ZNF367: variants seen among roughly 807,000 people sequenced by gnomAD.
ZNF367 encodes zinc finger protein 367.
In ZNF367, 11 loss-of-function variants were observed where a neutral mutation model predicts 31.8. The observed-to-expected ratio is 0.35, with a 90% CI of 0.22 to 0.57. The LOEUF (loss-of-function observed/expected upper bound fraction) is 0.57, where lower values mean the gene tolerates loss of function less well. Ranked by LOEUF, ZNF367 falls within the 20% of genes least tolerant of loss-of-function variation. The pLI is 0.85. For missense variants in ZNF367, 353 were observed against 484.1 expected (o/e 0.73, Z 2.54); for synonymous variants, 199 against 202.4 (o/e 0.98, Z 0.14).
chr9:96,398,425 A>G (rs1831561348), intron 1 of ZNF367, 111 bp from the exon 2 acceptor site: 1 of 941,978 alleles, frequency 1.1e-6, no homozygotes, highest in South Asian at 2.0e-5. Flanking sequence ...GCGCAGCGGC[A>G]CACACTTATA....
At chr9:96,397,088 T>G (rs1831541554) in intron 2 of ZNF367, among the ~76,000 whole-genome samples, 1 of 152,248 alleles carries the variant, frequency 6.6e-6, no homozygotes, top group Non-Finnish European at 1.5e-5. Context: ...ATGTTTTATA[T>G]TACTGCCCAT....
At position 96,398,106 on chromosome 9, in the gene ZNF367, A is replaced by G. The variant is rs1452103188; in HGVS notation, c.571+58T>C. 4.3e-6 allele frequency: 4 copies of G among 923,232 alleles called. No individual in the cohort carries two copies. In the South Asian group the frequency reaches 8.8e-5, roughly 20 times the overall value. 57.2% of individuals were successfully genotyped at this position (923,232 alleles called of 1,614,324 possible). The stretch of plus-strand genomic sequence containing the variant: ...CTATCTCAAAAAAAAAAAAAAAAAA[A>G]AAAAAAAAAAAAAAAAGTGTTACTT... On this transcript the variant is annotated intron_variant, in intron 2 of 4. Coordinates refer to ENST00000375256, the MANE Select transcript of ZNF367 (RefSeq NM_153695.4).
intron 2 of ZNF367, among the ~76,000 whole-genome samples, chr9:96,396,655 A>G (rs938637714): frequency 2.0e-5 from 3 of 151,858 alleles, no homozygotes; most frequent in African/African-American, 7.3e-5. Context: ...AAGTAAAGAG[A>G]AAGAGGTGAA....
At chr9:96,406,812 A>G (rs946532080) in intron 1 of ZNF367, among the ~76,000 whole-genome samples, 5 of 151,106 alleles carry the variant, frequency 3.3e-5, no homozygotes, top group Non-Finnish European at 7.4e-5. Flanking sequence ...CATCCTGGCT[A>G]ACACAGTGAA....
chr9:96,392,553 T>TA lies in ZNF367; in HGVS notation c.692-18dup, dbSNP rs1564139875. 1.3e-6 allele frequency: 2 copies of TA among 1,586,764 alleles called. No homozygotes were observed. Among genetic ancestry groups the TA allele is most frequent in the East Asian group, 4.5e-5 (2 of 44,154 alleles). ...TCAGGCAGCCTTCAAAACACAAGGT[T>TA]AACACCTGTCAGGATCTGGACATCC... On this transcript the variant is annotated splice_polypyrimidine_tract_variant and intron_variant, in intron 3 of 4. Transcript: ENST00000375256.
intron 4 of ZNF367, 186 bp downstream of exon 4, chr9:96,392,212 C>G (rs1277796168): frequency 6.4e-6 from 5 of 776,308 alleles, no homozygotes; most frequent in Non-Finnish European, 1.0e-5. Flanking sequence ...TTTTCTATCA[C>G]ACACAGATCC....
At chr9:96,401,747 G>C (rs1332620404) in intron 1 of ZNF367, among the ~76,000 whole-genome samples, 1 of 151,668 alleles carries the variant, frequency 6.6e-6, no homozygotes, top group Non-Finnish European at 1.5e-5. Context: ...AGAATCGCTT[G>C]AACCTGGGAG....
At chr9:96,390,204 A>AC (rs1237136218) in intron 4 of ZNF367, among the ~76,000 whole-genome samples, 2 of 151,966 alleles carry the variant, frequency 1.3e-5, no homozygotes, top group Non-Finnish European at 2.9e-5. Context: ...ACCCAGCCCC[A>AC]ACAAAGCTGT....
chr9:96,397,479 A>G (rs1268671244), intron 2 of ZNF367, among the ~76,000 whole-genome samples: 1 of 152,346 alleles, frequency 6.6e-6, no homozygotes, highest in East Asian at 1.9e-4. Flanking sequence ...TAAACATTCT[A>G]TTAAAAACTT....
Position 96,418,169 on chromosome 9 carries a change from C to T in ZNF367, c.-137G>A, listed in dbSNP as rs956721992. ...GACTGACGTTTCCCGGAATCCTGCG[C>T]AGCAGCCACCTAACTAGTTGAGCAG... On this transcript the variant is annotated 5_prime_UTR_variant, in exon 1 of 5. Coordinates refer to ENST00000375256, the MANE Select transcript of ZNF367 (RefSeq NM_153695.4). 2 of 1,223,168 alleles carry T rather than the reference C, an allele frequency of 1.6e-6. No individual in the cohort carries two copies. Among genetic ancestry groups the T allele is most frequent in the Admixed American group, 8.4e-5 (2 of 23,674 alleles). 75.8% of individuals were successfully genotyped at this position (1,223,168 alleles called of 1,614,324 possible).
rs1276707700 is a variant in ZNF367, at chr9:96,415,478, CATTTTTTTTTTTTTT to C, written c.420+2120_420+2134del. On this transcript the variant is annotated intron_variant, in intron 1 of 4. Coordinates refer to ENST00000375256, the MANE Select transcript of ZNF367 (RefSeq NM_153695.4). ...TCAACGCTTCTATCGTTAGTTTCTT[CATTTTTTTTTTTTTT>C]TTTTTTTTTTTTTTTTTTTTTTGAG... Among the ~76,000 whole-genome samples, 47 of 65,576 alleles carry C rather than the reference CATTTTTTTTTTTTTT, an allele frequency of 7.2e-4. 1 individual carries two copies. The highest frequency in any genetic ancestry group is 2.6e-3 in the African/African-American group (46 of 17,770). The allele number at this position is 65,576 out of a possible 152,430, so 43.0% of individuals were successfully genotyped here.
chr9:96,406,523 T>G (rs1831673224), intron 1 of ZNF367, among the ~76,000 whole-genome samples: 1 of 152,352 alleles, frequency 6.6e-6, no homozygotes, highest in Non-Finnish European at 1.5e-5. Flanking sequence ...CACTTACTAC[T>G]TTTATTCTGA....
intron 1 of ZNF367, among the ~76,000 whole-genome samples, chr9:96,412,202 G>A (rs1831759634): frequency 6.6e-6 from 1 of 152,166 alleles, no homozygotes; most frequent in African/African-American, 2.4e-5. Flanking sequence ...ACACTCAGCA[G>A]CCAAGTGCAC....
At chr9:96,391,860 C>G (rs1023446328) in intron 4 of ZNF367, among the ~76,000 whole-genome samples, 7 of 152,098 alleles carry the variant, frequency 4.6e-5, no homozygotes, top group African/African-American at 1.7e-4. Context: ...CTCACTGCAA[C>G]CTCCGTCTCC....
chr9:96,407,862 T>C (rs754272925), intron 1 of ZNF367: 1 of 592,184 alleles, frequency 1.7e-6, no homozygotes, highest in Non-Finnish European at 2.8e-6. Context: ...CGCCTTAGCC[T>C]CCCAAAGTGC....
At chr9:96,407,233 G>C in intron 1 of ZNF367, 2 of 929,038 alleles carry the variant, frequency 2.2e-6, no homozygotes. Flanking sequence ...CGAAAATTGA[G>C]AGCATTTTCG....
In ZNF367 at chr9:96,417,701, G is replaced by A. The variant is rs1442770689; in HGVS notation, c.332C>T (p.Ala111Val). 4.3e-6 allele frequency: 5 copies of A among 1,168,212 alleles called. No individual in the cohort carries two copies. Among genetic ancestry groups the A allele is most frequent in the Admixed American group, 4.4e-5 (1 of 22,544 alleles). The allele number at this position is 1,168,212 out of a possible 1,614,324, so 72.4% of individuals were successfully genotyped here. ...GGAGGCCGAGGCGGCGGGCGGGGGC[G>A]CGCCCCGGCCACGAAGCCCCGAGTG... ...AEHSGLRGRG[A>V]PPPAASASAA... The change falls in exon 1 of 5, where the codon GCG becomes GTG. Residue 111 changes from alanine to valine, a missense_variant. By Grantham distance (64) the Ala-to-Val change is moderately conservative. Coordinates refer to ENST00000375256, the MANE Select transcript of ZNF367 (RefSeq NM_153695.4). This position sits in a 1 kb window ranked among gnomAD's most constrained non-coding sequence, Gnocchi z 5.0.
At chr9:96,408,163 G>A (rs966854780) in intron 1 of ZNF367, among the ~76,000 whole-genome samples, 1 of 151,926 alleles carries the variant, frequency 6.6e-6, no homozygotes, top group African/African-American at 2.4e-5. Flanking sequence ...TATACATATG[G>A]AACAAACCTG....
Position 96,417,904 on chromosome 9 carries a change from C to G in ZNF367, c.129G>C (p.Thr43=). 4.6e-6 allele frequency: 7 copies of G among 1,527,856 alleles called. No individual in the cohort carries two copies. The highest frequency in any genetic ancestry group is 6.1e-6 in the Non-Finnish European group (7 of 1,146,668). 94.6% of individuals were successfully genotyped at this position (1,527,856 alleles called of 1,614,324 possible). ...SVIRTTPIKP[T]CGGGGEPEPP... is the part of the protein sequence containing the mutation. ...GCTCCGGCTCCCCTCCACCGCCGCA[C>G]GTTGGCTTGATCGGGGTCGTCCTGA... The change falls in exon 1 of 5, where the codon ACG becomes ACC. Residue 43 remains threonine, a synonymous_variant. Coordinates refer to ENST00000375256, the MANE Select transcript of ZNF367 (RefSeq NM_153695.4). The surrounding 1 kb of genome is among the most constrained non-coding windows in gnomAD (Gnocchi z 5.0).
Sources: allele counts gnomAD v4.1 joint callset (sites outside exome capture counted in the v4.1 genomes callset), GRCh38; gene constraint gnomAD v4.1.1; non-coding constraint Gnocchi (gnomAD v3.1); transcripts MANE v1.5; gene names NCBI Gene and HGNC (gene_info 2026-07-23, HGNC 2026-07-21).